RNF123: variants seen among roughly 807,000 people sequenced by gnomAD.
RNF123 encodes E3 ubiquitin-protein ligase RNF123.
RNF123 carries 86 observed loss-of-function variants against 168.5 expected under a neutral mutation model. The observed-to-expected ratio is 0.51, with a 90% CI of 0.43 to 0.61. RNF123 has a LOEUF of 0.61. RNF123 is among the 20% of genes least tolerant of loss of function. The pLI is 0.00. For missense variants in RNF123, 1,419 were observed against 1,729.7 expected (o/e 0.82, Z 3.19); for synonymous variants, 666 against 689.1 (o/e 0.97, Z 0.52).
intron 13 of RNF123, 51 bp downstream of exon 13, chr3:49,700,403 G>T: frequency 6.2e-7 from 1 of 1,612,640 alleles, no homozygotes; most frequent in Non-Finnish European, 8.5e-7. Flanking sequence ...CTTCACTGGG[G>T]TCGGGAAGAT....
intron 26 of RNF123, among the ~76,000 whole-genome samples, chr3:49,710,875 A>G (rs2080132547): frequency 6.6e-6 from 1 of 152,110 alleles, no homozygotes; most frequent in South Asian, 2.1e-4. Context: ...GGCTTTTCAT[A>G]TATGGTCTTT....
At chr3:49,718,077 G>T in intron 35 of RNF123, 1 of 1,613,570 alleles carries the variant, frequency 6.2e-7, no homozygotes, top group South Asian at 1.1e-5. Context: ...GGCCATTGAG[G>T]CCCCTCCGGC....
chr3:49,712,735 T>A (rs770969436), intron 27 of RNF123, 79 bp downstream of exon 27: 3 of 1,509,380 alleles, frequency 2.0e-6, no homozygotes, highest in Non-Finnish European at 2.8e-6. Flanking sequence ...GTCTGAGACC[T>A]CTGTGGCCCA....
At chr3:49,716,544 G>T (rs2080248734) in intron 35 of RNF123, 67 bp downstream of exon 35, 2 of 1,302,250 alleles carry the variant, frequency 1.5e-6, no homozygotes, top group Non-Finnish European at 1.1e-6. Context: ...GCTGGACAGG[G>T]CCTCCTGGTA....
At position 49,705,594 on chromosome 3, in the gene RNF123, A is replaced by G; in HGVS notation, c.2219A>G (p.Gln740Arg). ...LLGRPPEEPE[Q>R]PLTENSLLEV... ...GGGCGGCCCCCCGAGGAGCCTGAGC[A>G]GCCCCTCACCGAGAACTCGCTGCTG... is the stretch of plus-strand genomic sequence containing the variant. The change falls in exon 24 of 39, where the codon CAG (glutamine) becomes CGG (arginine). Residue 740 changes from glutamine to arginine, a missense_variant. Physicochemically the swap from Gln to Arg is conservative, Grantham distance 43 (BLOSUM62 1). Around this residue, in one of 5 missense-constraint regions of RNF123, gnomAD observed 538 missense variants for 708.8 expected, o/e 0.76. Coordinates refer to ENST00000327697, the MANE Select transcript of RNF123 (RefSeq NM_022064.5). The G allele has an allele frequency of 6.2e-7, 1 of 1,613,226 alleles. No homozygotes were observed. Among genetic ancestry groups the G allele is most frequent in the East Asian group, 2.2e-5 (1 of 44,860 alleles).
chr3:49,699,614 G>A lies in RNF123; in HGVS notation c.879+32G>A. On this transcript the variant is annotated intron_variant, in intron 11 of 38. Coordinates refer to ENST00000327697, the MANE Select transcript of RNF123 (RefSeq NM_022064.5). The surrounding 1 kb of genome is among the most constrained non-coding windows in gnomAD (Gnocchi z 4.8). ...TGGGGTCTGGGCCAGGCGGGGTGGGGGGCTTCCACAGCCTCCTGCCCCTCA... is the reference window on the plus strand; with the variant it reads ...TGGGGTCTGGGCCAGGCGGGGTGGGAGGCTTCCACAGCCTCCTGCCCCTCA... The A allele has an allele frequency of 1.2e-6, 2 of 1,611,838 alleles. No homozygotes were observed. Among genetic ancestry groups the A allele is most frequent in the Non-Finnish European group, 1.7e-6 (2 of 1,178,328 alleles).
chr3:49,696,024 G>T (rs2054260935), intron 3 of RNF123, among the ~76,000 whole-genome samples: 1 of 152,166 alleles, frequency 6.6e-6, no homozygotes, highest in Admixed American at 6.5e-5. Flanking sequence ...AGCTCAGAGG[G>T]CTGAGCCTTT....
At chr3:49,708,171 C>T (rs983424691) in intron 26 of RNF123, among the ~76,000 whole-genome samples, 3 of 152,138 alleles carry the variant, frequency 2.0e-5, no homozygotes, top group Non-Finnish European at 2.9e-5. Context: ...ACTTTGTTGG[C>T]GTGGCTGGTC....
rs553967475 is a variant in RNF123 at position 49,704,574 on chromosome 3, C to T, written c.1853-76C>T. 4.8e-4 allele frequency: 621 copies of T among 1,288,002 alleles called. 1 individual carries two copies. The highest frequency in any genetic ancestry group is 6.2e-4 in the Non-Finnish European group (562 of 913,304). 79.8% of individuals were successfully genotyped at this position (1,288,002 alleles called of 1,614,324 possible). ...CCTCCTGCCCAGTGTGCTGGGCTCTCTCACCGTCCTGGGCACTTCCACTGT... is the reference window on the plus strand; with the variant it reads ...CCTCCTGCCCAGTGTGCTGGGCTCTTTCACCGTCCTGGGCACTTCCACTGT... On this transcript the variant is annotated intron_variant, in intron 21 of 38. Transcript: ENST00000327697.
chr3:49,719,574 G>A, intron 35 of RNF123: 1 of 981,128 alleles, frequency 1.0e-6, no homozygotes, highest in Non-Finnish European at 1.5e-6. Flanking sequence ...GGCCCTTGCC[G>A]AGGAGGCACG....
chr3:49,691,914 G>A (rs1245654831), intron 3 of RNF123, among the ~76,000 whole-genome samples: 1 of 152,238 alleles, frequency 6.6e-6, no homozygotes, highest in Non-Finnish European at 1.5e-5. Context: ...ATACTTTTAA[G>A]TGTAGTCAGT....
Position 49,716,480 on chromosome 3 carries a change from G to A in RNF123, c.3500+3G>A. 1 of 1,613,476 alleles carries A rather than the reference G, an allele frequency of 6.2e-7. No homozygotes were observed. Among genetic ancestry groups the A allele is most frequent in the Non-Finnish European group, 8.5e-7 (1 of 1,179,590 alleles). On this transcript the variant is annotated splice_donor_region_variant and intron_variant, in intron 35 of 38. Transcript: ENST00000327697. ...CTGGTGCGTGGCCCAGCCTCAGAGT[G>A]AGTGTTGGGGACCGTGGGCCCCTGT...
chr3:49,719,475 CACCAGGG>C, intron 35 of RNF123: 2 of 1,606,200 alleles, frequency 1.2e-6, no homozygotes, highest in Middle Eastern at 3.8e-4. Flanking sequence ...TGGCGGCGAC[CACCAGGG>C]ACAGTACAGA....
chr3:49,716,686 G>A (rs747252668), intron 35 of RNF123: 30 of 524,420 alleles, frequency 5.7e-5, no homozygotes, highest in Non-Finnish European at 9.0e-5. Context: ...GACCCCAGCA[G>A]GACAGGTGGC....
intron 26 of RNF123, among the ~76,000 whole-genome samples, chr3:49,708,344 A>C (rs2080075572): frequency 6.6e-6 from 1 of 152,132 alleles, no homozygotes; most frequent in Non-Finnish European, 1.5e-5. Context: ...ATCTTGCAAA[A>C]CTGATACTCC....
At chr3:49,718,349 A>G (rs1012519663) in intron 35 of RNF123, 6 of 1,613,258 alleles carry the variant, frequency 3.7e-6, no homozygotes, top group Admixed American at 1.7e-5. Context: ...GGGCGCGGAA[A>G]GTGCACGCTC....
chr3:49,717,897 G>C, intron 35 of RNF123: 4 of 1,554,710 alleles, frequency 2.6e-6, no homozygotes, highest in Non-Finnish European at 3.5e-6. Context: ...CCGAAGCAGG[G>C]AGCAGGGCGA....
At position 49,712,609 on chromosome 3, in the gene RNF123, C is replaced by T; in HGVS notation, c.2627C>T (p.Ala876Val). Residue 876 changes from alanine (A) to valine (V), a missense_variant, in exon 27 of 39, where the codon GCT (alanine) becomes GTT (valine). This residue lies in a region of RNF123 where 538 missense variants were observed against 708.8 expected (regional missense o/e 0.76). Transcript: ENST00000327697. ...AGCGTGGCCATCAACAGCTACAGTGCTCTCAAGAATTACTTTGGTCCCGTG... is the reference window on the plus strand; with the variant it reads ...AGCGTGGCCATCAACAGCTACAGTGTTCTCAAGAATTACTTTGGTCCCGTG... Reference protein sequence around the residue: ...YLSVAINSYSALKNYFGPVHS... With the variant: ...YLSVAINSYSVLKNYFGPVHS... The T allele has an allele frequency of 6.2e-7, 1 of 1,614,222 alleles. No homozygotes were observed. Among genetic ancestry groups the T allele is most frequent in the South Asian group, 1.1e-5 (1 of 91,082 alleles).
At chr3:49,720,318 A>T in intron 35 of RNF123, 193 bp from the exon 36 acceptor site, 1 of 213,910 alleles carries the variant, frequency 4.7e-6, no homozygotes, top group Non-Finnish European at 8.6e-6. Flanking sequence ...TCGTCTCAAG[A>T]AAAAAAAAAA....
Sources: allele counts gnomAD v4.1 joint callset (sites outside exome capture counted in the v4.1 genomes callset), GRCh38; gene constraint gnomAD v4.1.1; regional missense constraint gnomAD v4.1.1; non-coding constraint Gnocchi (gnomAD v3.1); transcripts MANE v1.5; gene names NCBI Gene and HGNC (gene_info 2026-07-23, HGNC 2026-07-21).